The following AP3B1 variants were observed in gnomAD, a reference collection of about 807,000 sequenced individuals.
AP3B1 encodes the protein adaptor related protein complex 3 subunit beta 1, also known as AP-3 complex subunit beta-1.
AP3B1 carries 61 observed loss-of-function variants against 132.5 expected under a neutral mutation model. The ratio of observed to expected loss-of-function variants is 0.46; its 90% CI spans 0.37 to 0.57. AP3B1 has a LOEUF of 0.57. AP3B1 is among the 20% of genes least tolerant of loss of function. AP3B1 has a pLI of 0.00. For missense variants in AP3B1, 1,120 were observed against 1,289.4 expected (o/e 0.87, Z 2.01); for synonymous variants, 388 against 438.3 (o/e 0.89, Z 1.43).
chr5:78,134,074 C>T (rs1412973489), intron 15 of AP3B1, among the ~76,000 whole-genome samples: 2 of 147,764 alleles, frequency 1.4e-5, no homozygotes, highest in East Asian at 4.0e-4. Context: ...TGGCGTGAAC[C>T]TGGGAGGCGG....
chr5:78,251,277 G>A (rs1435155551), intron 2 of AP3B1, among the ~76,000 whole-genome samples: 2 of 152,140 alleles, frequency 1.3e-5, no homozygotes, highest in African/African-American at 2.4e-5. Flanking sequence ...GCAAGATGGT[G>A]CAATAGAAAG....
intron 22 of AP3B1, among the ~76,000 whole-genome samples, chr5:78,055,016 G>GACACACAC (rs3050076): frequency 3.5e-5 from 5 of 144,766 alleles, no homozygotes; most frequent in African/African-American, 1.3e-4. Context: ...CAGACCTACA[G>GACACACAC]ACACACACAC....
At chr5:78,211,458 C>A (rs532645766) in intron 7 of AP3B1, among the ~76,000 whole-genome samples, 1 of 152,270 alleles carries the variant, frequency 6.6e-6, no homozygotes, top group African/African-American at 2.4e-5. Context: ...ATCTCTTCTG[C>A]CCCTGAAGAA....
At chr5:78,242,766 T>C (rs886325532) in intron 2 of AP3B1, among the ~76,000 whole-genome samples, 3 of 152,188 alleles carry the variant, frequency 2.0e-5, no homozygotes, top group Non-Finnish European at 4.4e-5. Flanking sequence ...CTATTTTACA[T>C]TTCTATTTAT....
chr5:78,018,279 G>A (rs1054305871), intron 25 of AP3B1, among the ~76,000 whole-genome samples: 4 of 151,678 alleles, frequency 2.6e-5, no homozygotes, highest in African/African-American at 9.7e-5. Context: ...TCAATACGTA[G>A]AATAATCTAA....
At chr5:78,158,711 T>G (rs1743261278) in intron 13 of AP3B1, among the ~76,000 whole-genome samples, 1 of 152,082 alleles carries the variant, frequency 6.6e-6, no homozygotes, top group African/African-American at 2.4e-5. Context: ...TTCTTTTTTT[T>G]TTTTTGAGAT....
chr5:78,212,884 TTTTA>T (rs1270390874), intron 7 of AP3B1, among the ~76,000 whole-genome samples: 9 of 152,020 alleles, frequency 5.9e-5, no homozygotes, highest in South Asian at 2.1e-4. Flanking sequence ...CTTCTTTTAT[TTTTA>T]TTTATTTATT....
chr5:78,012,530 T>A (rs2112046976), intron 26 of AP3B1, among the ~76,000 whole-genome samples: 1 of 152,384 alleles, frequency 6.6e-6, no homozygotes, highest in Admixed American at 6.5e-5. Flanking sequence ...ACAGTCATAC[T>A]TTAGCTATAA....
intron 21 of AP3B1, among the ~76,000 whole-genome samples, chr5:78,096,319 G>T (rs1750781763): frequency 6.6e-6 from 1 of 152,164 alleles, no homozygotes; most frequent in Non-Finnish European, 1.5e-5. Context: ...AGTGCTCAAT[G>T]GTGCCCAGGC....
chr5:78,183,867 TAAAAAAAAAAAA>T (rs899886034), intron 7 of AP3B1, among the ~76,000 whole-genome samples: 1 of 71,548 alleles, frequency 1.4e-5, no homozygotes, highest in Non-Finnish European at 2.6e-5. Context: ...AATTCCATCT[TAAAAAAAAAAAA>T]AAAAAAAAGG....
intron 11 of AP3B1, among the ~76,000 whole-genome samples, 162 bp from the exon 12 acceptor site, chr5:78,165,834 C>T (rs1580431736): frequency 6.6e-6 from 1 of 152,120 alleles, no homozygotes; most frequent in South Asian, 2.1e-4. Flanking sequence ...TTTGGGAAGC[C>T]GAGGCGGGCG....
At chr5:78,286,018 T>C (rs796736713) in intron 1 of AP3B1, among the ~76,000 whole-genome samples, 17 of 152,226 alleles carry the variant, frequency 1.1e-4, no homozygotes, top group African/African-American at 4.1e-4. Context: ...ACTCTCCAAA[T>C]GGCATCCCTT....
intron 2 of AP3B1, among the ~76,000 whole-genome samples, chr5:78,256,510 A>C (rs973178887): frequency 6.6e-6 from 1 of 152,080 alleles, no homozygotes; most frequent in African/African-American, 2.4e-5. Context: ...TCAAATCACA[A>C]GATGAAAGCT....
chr5:78,225,834 T>A (rs538100312), intron 5 of AP3B1, among the ~76,000 whole-genome samples: 16 of 152,124 alleles, frequency 1.1e-4, no homozygotes, highest in African/African-American at 3.8e-4. Flanking sequence ...ATCAATGGTT[T>A]AGTTAAGATA....
chr5:78,222,001 C>A (rs918142818), intron 6 of AP3B1, among the ~76,000 whole-genome samples: 1 of 152,090 alleles, frequency 6.6e-6, no homozygotes, highest in Non-Finnish European at 1.5e-5. Flanking sequence ...CCACCATCTC[C>A]ACTACTATTG....
At chr5:78,076,896 G>A (rs753550418) in intron 22 of AP3B1, among the ~76,000 whole-genome samples, 12 of 152,204 alleles carry the variant, frequency 7.9e-5, no homozygotes, top group Non-Finnish European at 1.3e-4. Flanking sequence ...GTGTGTCTTC[G>A]TTTGGCTGGT....
intron 7 of AP3B1, among the ~76,000 whole-genome samples, chr5:78,190,050 A>C (rs2112430889): frequency 6.6e-6 from 1 of 151,998 alleles, no homozygotes; most frequent in Admixed American, 6.5e-5. Flanking sequence ...GCTACTAATA[A>C]AACTTCTACA....
At chr5:78,274,762 A>G (rs553388254) in intron 1 of AP3B1, among the ~76,000 whole-genome samples, 50 of 152,188 alleles carry the variant, frequency 3.3e-4, no homozygotes, top group African/African-American at 1.1e-3. Flanking sequence ...CTCTACAAAA[A>G]ATATTTTTAA....
chr5:78,173,970 G>C (rs1229743679), intron 11 of AP3B1, among the ~76,000 whole-genome samples: 1 of 151,822 alleles, frequency 6.6e-6, no homozygotes, highest in South Asian at 2.1e-4. Context: ...CCACTTGATC[G>C]AATCGGCTAT....
Sources: gnomAD v4.1 joint callset for allele counts (sites outside exome capture counted in the v4.1 genomes callset) on GRCh38, gnomAD v4.1.1 for gene constraint, MANE v1.5 for transcripts, NCBI Gene and HGNC (gene_info 2026-07-23, HGNC 2026-07-21) for gene names.